Variants in HNF4G observed in about 807,000 individuals in gnomAD.
The protein encoded by HNF4G is hepatocyte nuclear factor 4-gamma.
In HNF4G, 21 loss-of-function variants were observed where a neutral mutation model predicts 50.9. The ratio of observed to expected loss-of-function variants is 0.41; its 90% confidence interval spans 0.29 to 0.59. HNF4G has a LOEUF of 0.59. Among genes scored for constraint, HNF4G ranks in the 20% least tolerant of loss-of-function variants. The pLI is 0.26. For synonymous variants in HNF4G, 198 were observed against 185.6 expected (o/e 1.07, Z -0.54); for missense variants, 527 against 559.4 (o/e 0.94, Z 0.58).
intron 2 of HNF4G, among the ~76,000 whole-genome samples, chr8:75,516,210 T>C (rs1805885024): frequency 6.6e-6 from 1 of 152,268 alleles, no homozygotes; most frequent in African/African-American, 2.4e-5. Context: ...TTTACACATT[T>C]AATATTATAT....
At chr8:75,511,805 C>T (rs944083207) in intron 2 of HNF4G, among the ~76,000 whole-genome samples, 57 of 152,090 alleles carry the variant, frequency 3.7e-4, no homozygotes, top group African/African-American at 1.3e-3. Context: ...GTCTCGATCT[C>T]CTGACCTCGT....
rs2130782080 is a variant in HNF4G, at chr8:75,539,896, AAC to A, written c.-63_-62del. ...ATTAGCACTCACAGATTGAAAGCAA[AAC>A]ACATCAAAACACTCATCACGCACTC... On this transcript the variant is annotated 5_prime_UTR_variant, in exon 1 of 10. Transcript: ENST00000396423. 2 of 746,122 alleles carry A rather than the reference AAC, an allele frequency of 2.7e-6. No individual in the cohort carries two copies. The highest frequency in any genetic ancestry group is 3.5e-5 in the African/African-American group (2 of 56,708). The allele number at this position is 746,122 out of a possible 1,614,324, so 46.2% of individuals were successfully genotyped here.
intron 1 of HNF4G, among the ~76,000 whole-genome samples, chr8:75,424,281 C>T (rs879771499): frequency 2.6e-5 from 4 of 151,734 alleles, no homozygotes; most frequent in Admixed American, 1.3e-4. Context: ...ATTAAATGTT[C>T]GTTAAATAGA....
chr8:75,530,794 C>CTTTTTTT (rs71567126), intron 2 of HNF4G, among the ~76,000 whole-genome samples: 2 of 132,164 alleles, frequency 1.5e-5, no homozygotes, highest in East Asian at 2.2e-4. Context: ...GTTCAATGTG[C>CTTTTTTT]TTTTTTTTTT....
chr8:75,434,223 C>T (rs1041767045), intron 1 of HNF4G, among the ~76,000 whole-genome samples: 7 of 151,520 alleles, frequency 4.6e-5, no homozygotes, highest in Non-Finnish European at 8.8e-5. Flanking sequence ...AGGATGGTCT[C>T]GATCTCCTGA....
chr8:75,494,146 A>T (rs962647755), intron 2 of HNF4G, among the ~76,000 whole-genome samples: 1 of 152,178 alleles, frequency 6.6e-6, no homozygotes, highest in African/African-American at 2.4e-5. Context: ...AAGTTGTCTA[A>T]AACATCAAAC....
At chr8:75,414,610 G>A (rs940955781) in intron 1 of HNF4G, among the ~76,000 whole-genome samples, 2 of 152,008 alleles carry the variant, frequency 1.3e-5, no homozygotes, top group African/African-American at 4.8e-5. Context: ...AAATTCATTT[G>A]CATTTTCTAG....
intron 1 of HNF4G, among the ~76,000 whole-genome samples, chr8:75,461,923 T>TATAC (rs1811858904): frequency 6.8e-6 from 1 of 146,588 alleles, no homozygotes; most frequent in Non-Finnish European, 1.5e-5. Flanking sequence ...TATATATATA[T>TATAC]ATATATTTTT....
intron 1 of HNF4G, among the ~76,000 whole-genome samples, chr8:75,420,930 A>G (rs1810761107): frequency 6.6e-6 from 1 of 152,236 alleles, no homozygotes; most frequent in African/African-American, 2.4e-5. Flanking sequence ...TTAAGATATG[A>G]TGATTACTAA....
intron 1 of HNF4G, among the ~76,000 whole-genome samples, chr8:75,468,177 T>A (rs1206884952): frequency 6.6e-6 from 1 of 152,190 alleles, no homozygotes; most frequent in Non-Finnish European, 1.5e-5. Flanking sequence ...TTCTATAATA[T>A]AGTTTTTCTA....
intron 2 of HNF4G, among the ~76,000 whole-genome samples, chr8:75,499,400 C>T (rs1812864179): frequency 6.6e-6 from 1 of 151,982 alleles, no homozygotes; most frequent in African/African-American, 2.4e-5. Flanking sequence ...ATTGGAAAGA[C>T]ATCCCATGTT....
intron 1 of HNF4G, among the ~76,000 whole-genome samples, chr8:75,437,237 T>C (rs1347280627): frequency 1.3e-5 from 2 of 152,214 alleles, no homozygotes; most frequent in South Asian, 2.1e-4. Context: ...AGACATTTCA[T>C]AGAAATATTT....
chr8:75,561,076 C>G (rs555669130), intron 9 of HNF4G, among the ~76,000 whole-genome samples: 2 of 152,026 alleles, frequency 1.3e-5, no homozygotes, highest in East Asian at 3.9e-4. Flanking sequence ...TTTTTCTATG[C>G]CCTGATGAGT....
intron 1 of HNF4G, among the ~76,000 whole-genome samples, chr8:75,474,669 A>AT (rs908877619): frequency 2.0e-5 from 3 of 151,464 alleles, no homozygotes; most frequent in South Asian, 2.1e-4. Context: ...AATAATTATT[A>AT]TTTTTTTTGG....
intron 1 of HNF4G, among the ~76,000 whole-genome samples, chr8:75,448,633 C>G (rs2130570672): frequency 6.6e-6 from 1 of 151,482 alleles, no homozygotes; most frequent in East Asian, 1.9e-4. Flanking sequence ...ATAAGTACTG[C>G]TGGATACTGT....
intron 1 of HNF4G, among the ~76,000 whole-genome samples, chr8:75,482,211 G>A (rs879865533): frequency 4.6e-5 from 7 of 152,128 alleles, no homozygotes; most frequent in African/African-American, 7.2e-5. Flanking sequence ...ATATTTCACA[G>A]TTCCTTAAGC....
intron 2 of HNF4G, among the ~76,000 whole-genome samples, chr8:75,493,567 TGTTAA>T (rs1812684334): frequency 6.6e-6 from 1 of 152,188 alleles, no homozygotes; most frequent in African/African-American, 2.4e-5. Flanking sequence ...TTGTTTATAA[TGTTAA>T]GTTTAGTATG....
At chr8:75,470,138 C>T (rs1463448371) in intron 1 of HNF4G, among the ~76,000 whole-genome samples, 2 of 152,180 alleles carry the variant, frequency 1.3e-5, no homozygotes, top group African/African-American at 2.4e-5. Context: ...AGGGTGTAAT[C>T]TTTGCTCTTA....
chr8:75,480,271 G>C (rs16939079), intron 1 of HNF4G, among the ~76,000 whole-genome samples: 18,601 of 152,128 alleles, frequency 0.12, 1,543 homozygotes, highest in African/African-American at 0.24. Context: ...TCTTTGAGCA[G>C]CGCACATTTT....
Sources: allele counts gnomAD v4.1 joint callset (sites outside exome capture counted in the v4.1 genomes callset), GRCh38; gene constraint gnomAD v4.1.1; transcripts MANE v1.5; gene names NCBI Gene and HGNC (gene_info 2026-07-23, HGNC 2026-07-21).